The following ZDHHC11B variants were observed in gnomAD, a reference collection of about 807,000 sequenced individuals.
ZDHHC11B encodes the protein zDHHC palmitoyltransferase 11B (putative).
ZDHHC11B carries 17 observed loss-of-function variants against 42.3 expected under a neutral mutation model. That is an observed-to-expected ratio of 0.40 (90% confidence interval 0.27 to 0.60). The LOEUF (loss-of-function observed/expected upper bound fraction) is 0.60, where lower values mean the gene tolerates loss of function less well. ZDHHC11B is among the 20% of genes least tolerant of loss of function. The pLI is 0.41. For missense variants in ZDHHC11B, 262 were observed against 463.2 expected, an observed-to-expected ratio of 0.57 and a Z score of 3.99; for synonymous variants, 123 against 193.5, an observed-to-expected ratio of 0.64 and a Z score of 3.02.
chr5:714,562 T>A (rs548261927), intron 13 of ZDHHC11B, among the ~76,000 whole-genome samples: 1 of 109,742 alleles, frequency 9.1e-6, no homozygotes, highest in Non-Finnish European at 2.0e-5. Context: ...TTTGAAATGA[T>A]TTAGCCTCAT....
intron 4 of ZDHHC11B, among the ~76,000 whole-genome samples, chr5:758,727 G>A (rs1280374114): frequency 1.3e-5 from 2 of 151,742 alleles, no homozygotes; most frequent in South Asian, 4.2e-4. Flanking sequence ...AGCTCCCTGG[G>A]ACTCAAAGCT....
At chr5:741,915 C>CACGAGCAAAAA (rs1744203209) in intron 9 of ZDHHC11B, among the ~76,000 whole-genome samples, 1 of 56,286 alleles carries the variant, frequency 1.8e-5, no homozygotes. Context: ...ATTTAACTCC[C>CACGAGCAAAAA]ACGCAGGAGA....
chr5:748,755 A>G (rs1281921808), intron 7 of ZDHHC11B, among the ~76,000 whole-genome samples, 196 bp from the exon 8 acceptor site: 2 of 129,626 alleles, frequency 1.5e-5, no homozygotes, highest in African/African-American at 5.0e-5. Context: ...GGTTTTCATG[A>G]TCCCTGCTTT....
chr5:756,554 G>A lies in ZDHHC11B; in HGVS notation c.223-410C>T, dbSNP rs1385967629. On this transcript the variant is annotated intron_variant, in intron 4 of 13. Transcript: ENST00000508859. ...GGGCAAATCCCCCACAGAATGTACC[G>A]CACCCCCAGAGGCTCAGTCAGCCCA... Among the ~76,000 whole-genome samples the A allele has an allele frequency of 2.4e-4, 37 of 151,736 alleles. 1 individual carries two copies. The highest frequency in any genetic ancestry group is 2.0e-3 in the Admixed American group (31 of 15,196).
chr5:723,497 G>A (rs1180321543), intron 12 of ZDHHC11B, among the ~76,000 whole-genome samples: 1 of 117,932 alleles, frequency 8.5e-6, no homozygotes, highest in Non-Finnish European at 2.0e-5. Context: ...TCCAAATGCA[G>A]GTTACGGTGC....
chr5:749,930 G>A (rs1430171619), intron 7 of ZDHHC11B, among the ~76,000 whole-genome samples: 5 of 123,166 alleles, frequency 4.1e-5, no homozygotes, highest in East Asian at 3.1e-4. Flanking sequence ...CTTCAGAAGC[G>A]GCTGTGAGGC....
chr5:777,391 T>C (rs1431168892), intron 1 of ZDHHC11B, among the ~76,000 whole-genome samples: 1 of 151,840 alleles, frequency 6.6e-6, no homozygotes, highest in Non-Finnish European at 1.5e-5. Context: ...GCTCGTGGTC[T>C]GGCTGGCCTC....
intron 12 of ZDHHC11B, among the ~76,000 whole-genome samples, chr5:724,167 T>G (rs1218528440): frequency 1.4e-4 from 21 of 151,498 alleles, no homozygotes; most frequent in Admixed American, 4.6e-4. Context: ...CTTGGACGTC[T>G]GCATGTGTCT....
chr5:749,607 G>T (rs1421902439), intron 7 of ZDHHC11B, among the ~76,000 whole-genome samples: 2 of 130,102 alleles, frequency 1.5e-5, no homozygotes, highest in Non-Finnish European at 3.4e-5. Flanking sequence ...TGCTGGTTTT[G>T]AAGCCCTGCA....
At position 754,007 on chromosome 5, in the gene ZDHHC11B, T is replaced by C. The variant is rs368694414; in HGVS notation, c.503+991A>G. 5.2e-4 allele frequency among the ~76,000 whole-genome samples: 47 copies of C among 89,674 alleles called. 2 individuals carry two copies. The highest frequency in any genetic ancestry group is 1.6e-3 in the African/African-American group (46 of 28,596). The allele number at this position is 89,674 out of a possible 152,430, so 58.8% of individuals were successfully genotyped here. A position where few individuals can be genotyped will look rare whatever the true frequency, so the allele number is the denominator to read the frequency against. ...CCTTGAGAGTCCCTGGATCCTCCAC[T>C]GTGCTCAGGGGAAACACCTCTCATC... is the stretch of plus-strand genomic sequence containing the variant. On this transcript the variant is annotated intron_variant, in intron 6 of 13. Coordinates refer to ENST00000508859, the MANE Select transcript of ZDHHC11B (RefSeq NM_001351303.2).
At chr5:752,397 G>A (rs1342750027) in intron 6 of ZDHHC11B, among the ~76,000 whole-genome samples, 2 of 96,830 alleles carry the variant, frequency 2.1e-5, no homozygotes, top group Non-Finnish European at 2.4e-5. Context: ...AAGATGCAGA[G>A]AATAATCCAT....
intron 1 of ZDHHC11B, among the ~76,000 whole-genome samples, chr5:777,469 G>A (rs550704398): frequency 3.2e-5 from 3 of 93,816 alleles, no homozygotes; most frequent in African/African-American, 1.2e-4. Context: ...AAAGCGGCGC[G>A]CACCCAGACT....
chr5:732,631 C>A, intron 11 of ZDHHC11B: 1 of 451,296 alleles, frequency 2.2e-6, no homozygotes, highest in Non-Finnish European at 4.4e-6. Flanking sequence ...GGAGCCTGTT[C>A]CCTGAAATCC....
At chr5:775,962 A>C (rs1251785239) in intron 1 of ZDHHC11B, among the ~76,000 whole-genome samples, 50,426 of 117,256 alleles carry the variant, frequency 0.43, 8,657 homozygotes, top group Admixed American at 0.46. Flanking sequence ...GCATGCCAGG[A>C]ACCCCTGGGG....
chr5:757,042 G>C lies in ZDHHC11B; in HGVS notation c.223-898C>G, dbSNP rs1420768082. 7.2e-5 allele frequency among the ~76,000 whole-genome samples: 11 copies of C among 151,782 alleles called. 1 individual carries two copies. The highest frequency in any genetic ancestry group is 1.5e-5 in the Non-Finnish European group (1 of 67,874). Reference sequence around the variant, plus strand: ...AGGAGAAGCTGGGCTCCCCGTGACTGGAACGTCAGCTTCCGCCCTCAGATA... The same window carrying C: ...AGGAGAAGCTGGGCTCCCCGTGACTCGAACGTCAGCTTCCGCCCTCAGATA... On this transcript the variant is annotated intron_variant, in intron 4 of 13. Transcript: ENST00000508859.
chr5:726,068 G>A (rs1179360065), intron 12 of ZDHHC11B, among the ~76,000 whole-genome samples: 1 of 122,466 alleles, frequency 8.2e-6, no homozygotes, highest in East Asian at 2.7e-4. Context: ...CATTCCCTTC[G>A]ACATCCCACA....
intron 1 of ZDHHC11B, among the ~76,000 whole-genome samples, chr5:780,850 G>A (rs1365754815): frequency 9.9e-5 from 15 of 151,924 alleles, no homozygotes; most frequent in South Asian, 2.1e-4. Flanking sequence ...AGAGGAAACC[G>A]GCCCTTGGGC....
At chr5:757,657 A>C (rs1734045205) in intron 4 of ZDHHC11B, among the ~76,000 whole-genome samples, 1 of 151,966 alleles carries the variant, frequency 6.6e-6, no homozygotes, top group African/African-American at 2.4e-5. Flanking sequence ...AGCAGGATGC[A>C]CCGCACACCC....
chr5:778,079 C>T (rs1261648330), intron 1 of ZDHHC11B, among the ~76,000 whole-genome samples: 1 of 151,960 alleles, frequency 6.6e-6, no homozygotes, highest in African/African-American at 2.4e-5. Flanking sequence ...GGCAAGGGGG[C>T]TCCCAGACTC....
Sources: allele counts gnomAD v4.1 joint callset (sites outside exome capture counted in the v4.1 genomes callset), GRCh38; gene constraint gnomAD v4.1.1; transcripts MANE v1.5; gene names NCBI Gene and HGNC (gene_info 2026-07-23, HGNC 2026-07-21).